The following TBC1D5 variants were observed in gnomAD, a reference collection of about 807,000 sequenced individuals.
The protein encoded by TBC1D5 is TBC1 domain family, member 5.
A neutral mutation model predicts 100.3 loss-of-function variants in TBC1D5; 75 were observed. The observed-to-expected ratio is 0.75, with a 90% CI of 0.62 to 0.91. TBC1D5 has a LOEUF of 0.91. TBC1D5 is among the 40% of genes least tolerant of loss of function. The pLI is 0.00. For missense variants in TBC1D5, 910 were observed against 942.4 expected (o/e 0.97, Z 0.45); for synonymous variants, 323 against 325.6 (o/e 0.99, Z 0.09).
chr3:17,255,362 GTCTAATTTTT>G (rs2077547360), intron 16 of TBC1D5, among the ~76,000 whole-genome samples: 1 of 151,962 alleles, frequency 6.6e-6, no homozygotes, highest in Non-Finnish European at 1.5e-5. Flanking sequence ...CACCACTCCC[GTCTAATTTTT>G]TGTATTTTTA....
rs114594636 is a variant in TBC1D5 at position 17,643,027 on chromosome 3, G to A, written c.-100-19114C>T. On this transcript the variant is annotated intron_variant, in intron 1 of 21. Transcript: ENST00000253692. ...AAACTGTGGGTCTTACTCAAATTTC[G>A]TCAGTTACGCCACTAATGACTTTTT... is the stretch of plus-strand genomic sequence containing the variant. 1.0e-3 allele frequency among the ~76,000 whole-genome samples: 153 copies of A among 152,042 alleles called. 1 individual carries two copies. Among genetic ancestry groups the A allele is most frequent in the African/African-American group, 3.2e-3 (133 of 41,476 alleles).
intron 1 of TBC1D5, among the ~76,000 whole-genome samples, chr3:17,681,894 G>T (rs887295834): frequency 1.3e-5 from 2 of 151,528 alleles, no homozygotes; most frequent in African/African-American, 4.9e-5. Flanking sequence ...CCTCCTGTAA[G>T]ATCATCAGCA....
intron 3 of TBC1D5, among the ~76,000 whole-genome samples, chr3:17,466,503 A>T (rs569088440): frequency 6.6e-6 from 1 of 152,192 alleles, no homozygotes; most frequent in African/African-American, 2.4e-5. Flanking sequence ...GCACACTTAC[A>T]ATTATTTCAT....
At chr3:17,372,961 T>C (rs979145055) in intron 12 of TBC1D5, among the ~76,000 whole-genome samples, 4 of 152,176 alleles carry the variant, frequency 2.6e-5, no homozygotes, top group Non-Finnish European at 2.9e-5. Context: ...TTACGAGTCA[T>C]ACAGTCTGTG....
intron 15 of TBC1D5, among the ~76,000 whole-genome samples, chr3:17,286,115 T>C (rs927212020): frequency 1.4e-4 from 22 of 152,170 alleles, no homozygotes; most frequent in Non-Finnish European, 2.8e-4. Flanking sequence ...TGTATTTCAT[T>C]TATAATAAGT....
chr3:17,166,684 T>A lies in TBC1D5; in HGVS notation c.2094+83A>T, dbSNP rs571643304. Reference sequence around the variant, plus strand: ...ACATGGTAATTTGAAGTAACTTTGGTAGGGTGTATTCTTAACTTTGAGGAA... The same window carrying A: ...ACATGGTAATTTGAAGTAACTTTGGAAGGGTGTATTCTTAACTTTGAGGAA... On this transcript the variant is annotated intron_variant, in intron 21 of 21. Coordinates refer to ENST00000253692, the Ensembl canonical transcript of TBC1D5. The A allele has an allele frequency of 1.8e-5, 28 of 1,518,950 alleles. No homozygotes were observed. The East Asian group carries it at 6.4e-4, about 35-fold the overall frequency. 94.1% of individuals were successfully genotyped at this position (1,518,950 alleles called of 1,614,324 possible).
intron 3 of TBC1D5, among the ~76,000 whole-genome samples, chr3:17,460,663 T>A (rs928766992): frequency 3.9e-5 from 6 of 152,068 alleles, no homozygotes; most frequent in Admixed American, 3.3e-4. Context: ...ATTTTTCAAA[T>A]TTTTCAGCTC....
At chr3:17,436,061 C>T (rs945090005) in intron 3 of TBC1D5, among the ~76,000 whole-genome samples, 2 of 152,170 alleles carry the variant, frequency 1.3e-5, no homozygotes, top group Admixed American at 6.5e-5. Context: ...ATACACTGTC[C>T]ATGATCTCTG....
At chr3:17,352,117 A>T (rs1388784424) in intron 13 of TBC1D5, among the ~76,000 whole-genome samples, 1 of 152,076 alleles carries the variant, frequency 6.6e-6, no homozygotes, top group Non-Finnish European at 1.5e-5. Context: ...AAATGTAAGG[A>T]CACACATTTA....
chr3:17,204,181 A>G (rs1435855206), intron 18 of TBC1D5, among the ~76,000 whole-genome samples: 1 of 152,016 alleles, frequency 6.6e-6, no homozygotes, highest in East Asian at 1.9e-4. Context: ...ACTGTGTAGG[A>G]GAGGGTGGTG....
At chr3:17,552,223 G>C (rs1036775904) in intron 2 of TBC1D5, among the ~76,000 whole-genome samples, 1 of 151,696 alleles carries the variant, frequency 6.6e-6, no homozygotes, top group Non-Finnish European at 1.5e-5. Context: ...AATCACCGAA[G>C]TATCAAAGAA....
intron 3 of TBC1D5, among the ~76,000 whole-genome samples, chr3:17,450,520 C>T (rs2094900960): frequency 1.3e-5 from 2 of 152,078 alleles, no homozygotes; most frequent in African/African-American, 4.8e-5. Context: ...CTAGAATAAC[C>T]AGTGTAGAGA....
chr3:17,416,965 G>T, intron 4 of TBC1D5, among the ~76,000 whole-genome samples: 1 of 152,242 alleles, frequency 6.6e-6, no homozygotes, highest in African/African-American at 2.4e-5. Flanking sequence ...AGATAAATGG[G>T]CCATGGGATA....
At chr3:17,717,923 G>A (rs1439126265) in intron 1 of TBC1D5, among the ~76,000 whole-genome samples, 2 of 152,050 alleles carry the variant, frequency 1.3e-5, no homozygotes, top group East Asian at 3.9e-4. Context: ...CATGAAGTAT[G>A]TCACAAACCA....
chr3:17,607,692 T>C (rs1311432354), intron 2 of TBC1D5, among the ~76,000 whole-genome samples: 2 of 150,982 alleles, frequency 1.3e-5, no homozygotes, highest in African/African-American at 4.9e-5. Context: ...ACACACACCA[T>C]AGGCCACAGT....
At chr3:17,626,896 G>A (rs569126454) in intron 1 of TBC1D5, among the ~76,000 whole-genome samples, 1 of 152,260 alleles carries the variant, frequency 6.6e-6, no homozygotes, top group African/African-American at 2.4e-5. Context: ...TCAAATACCA[G>A]GCTGGAAAGT....
intron 15 of TBC1D5, among the ~76,000 whole-genome samples, chr3:17,289,357 G>C (rs2081486549): frequency 6.6e-6 from 1 of 152,130 alleles, no homozygotes; most frequent in Admixed American, 6.5e-5. Flanking sequence ...CCCTGGGTGG[G>C]AATGTTGCCT....
chr3:17,585,064 T>G (rs1020599002), intron 2 of TBC1D5, among the ~76,000 whole-genome samples: 6 of 152,242 alleles, frequency 3.9e-5, no homozygotes, highest in Non-Finnish European at 4.4e-5. Context: ...GTGCTGGGAT[T>G]ACAGGTGTGA....
chr3:17,403,236 TG>T lies in TBC1D5; in HGVS notation c.453del (p.Asn151LysfsTer12). On this transcript the variant is annotated frameshift_variant, in exon 8 of 22. Transcript: ENST00000253692. LOFTEE classifies it high-confidence loss of function. ...CGAAGTTCTTTATCTTGGAAGAATT[TG>T]TTCCAAAGACTCTGAAATAAGGAAA... The T allele has an allele frequency of 6.3e-7, 1 of 1,589,448 alleles. No individual in the cohort carries two copies. The highest frequency in any genetic ancestry group is 1.1e-5 in the South Asian group (1 of 88,092).
Sources: gnomAD v4.1 joint callset for allele counts (sites outside exome capture counted in the v4.1 genomes callset) on GRCh38, gnomAD v4.1.1 for gene constraint, MANE v1.5 for transcripts, NCBI Gene and HGNC (gene_info 2026-07-23, HGNC 2026-07-21) for gene names.